Variants in ANXA4 observed in about 807,000 individuals in gnomAD.
The protein encoded by ANXA4 is annexin A4.
Under a neutral mutation model 49.8 loss-of-function variants are expected in ANXA4, and 39 were observed. The observed-to-expected ratio is 0.78, with a 90% CI of 0.61 to 1.02. ANXA4 has a LOEUF of 1.02. ANXA4 is among the 50% of genes least tolerant of loss of function. ANXA4 has a pLI of 0.00. For missense variants in ANXA4, 360 were observed against 410.1 expected (o/e 0.88, Z 1.05); for synonymous variants, 134 against 152.5 (o/e 0.88, Z 0.89).
At chr2:69,778,775 CAAAAAAAAAAAA>C (rs58688910) in intron 1 of ANXA4, among the ~76,000 whole-genome samples, 81 of 36,560 alleles carry the variant, frequency 2.2e-3, no homozygotes, top group Middle Eastern at 0.031. Context: ...AACTCTGTCT[CAAAAAAAAAAAA>C]AAAAAAAAAA....
At chr2:69,808,646 G>C (rs1004952184) in intron 6 of ANXA4, 1 of 152,080 alleles carries the variant, frequency 6.6e-6, no homozygotes, top group Non-Finnish European at 1.5e-5. Context: ...TTATATTAAA[G>C]AGTATTTTTT....
chr2:69,755,700 C>T (rs999952352), intron 1 of ANXA4, among the ~76,000 whole-genome samples: 3 of 152,164 alleles, frequency 2.0e-5, no homozygotes, highest in Non-Finnish European at 4.4e-5. Flanking sequence ...TGTTATTCTT[C>T]TATCTCCCAG....
intron 2 of ANXA4, among the ~76,000 whole-genome samples, chr2:69,681,489 T>C (rs6546541): frequency 0.6 from 90,618 of 151,660 alleles, 28,272 homozygotes; most frequent in East Asian, 0.82. Context: ...CTCAGCCTCC[T>C]GAGTAGCTGG....
At chr2:69,662,775 A>G (rs940578961) in intron 2 of ANXA4, among the ~76,000 whole-genome samples, 1 of 152,054 alleles carries the variant, frequency 6.6e-6, no homozygotes, top group Non-Finnish European at 1.5e-5. Flanking sequence ...CAGGGCTTCC[A>G]GGCAGCTTTG....
At position 69,808,121 on chromosome 2, in the gene ANXA4, C is replaced by T. The variant is rs1673528262; in HGVS notation, c.397+125C>T. 17 of 871,802 alleles carry T rather than the reference C, an allele frequency of 1.9e-5. 1 individual carries two copies. The South Asian group carries it at 2.7e-4, about 14-fold the overall frequency. 54.0% of individuals were successfully genotyped at this position (871,802 alleles called of 1,614,324 possible). Reference sequence around the variant, plus strand: ...GCTGAGCATGAGGGATCCTCGGTGCCAAGCTCTGCTTCGAGGGAGATCCCT... The same window carrying T: ...GCTGAGCATGAGGGATCCTCGGTGCTAAGCTCTGCTTCGAGGGAGATCCCT... On this transcript the variant is annotated intron_variant, in intron 6 of 12. Coordinates refer to ENST00000394295, the MANE Select transcript of ANXA4 (RefSeq NM_001153.5).
At chr2:69,821,281 A>G (rs1674233804) in intron 12 of ANXA4, among the ~76,000 whole-genome samples, 1 of 152,128 alleles carries the variant, frequency 6.6e-6, no homozygotes, top group Admixed American at 6.5e-5. Flanking sequence ...ACCTCCCTCA[A>G]AGCCAGGCAT....
At position 69,826,768 on chromosome 2, in the gene ANXA4, C is replaced by G. The variant is rs1432013418; in HGVS notation, c.*1253C>G. On this transcript the variant is annotated 3_prime_UTR_variant, in exon 13 of 13. Transcript: ENST00000394295. ...GATCACGCCAGCCTGGGCGACAGAG[C>G]GAGAATCCATCTAAAAAAAAAAAAA... 1 of 139,452 alleles carries G rather than the reference C, an allele frequency of 7.2e-6. No individual in the cohort carries two copies. The highest frequency in any genetic ancestry group is 1.5e-5 in the Non-Finnish European group (1 of 65,934). The allele number at this position is 139,452 out of a possible 1,614,324, so 8.6% of individuals were successfully genotyped here. A position where few individuals can be genotyped will look rare whatever the true frequency, so the allele number is the denominator to read the frequency against.
At chr2:69,654,836 C>G (rs1159572273) in intron 2 of ANXA4, among the ~76,000 whole-genome samples, 2 of 152,108 alleles carry the variant, frequency 1.3e-5, no homozygotes, top group Non-Finnish European at 2.9e-5. Context: ...GATATATAGA[C>G]CAATGGAACA....
intron 8 of ANXA4, among the ~76,000 whole-genome samples, chr2:69,813,549 C>T (rs2103856461): frequency 6.6e-6 from 1 of 152,026 alleles, no homozygotes; most frequent in Middle Eastern, 3.4e-3. Flanking sequence ...TCGCGCGTGG[C>T]CCACTGTTCT....
chr2:69,649,745 G>A (rs1309760828), intron 1 of ANXA4, among the ~76,000 whole-genome samples: 1 of 149,970 alleles, frequency 6.7e-6, no homozygotes, highest in East Asian at 1.9e-4. Context: ...CTGAGTAGCT[G>A]GAACTACAGG....
chr2:69,707,071 G>A (rs1375807508), intron 2 of ANXA4, among the ~76,000 whole-genome samples: 1 of 152,052 alleles, frequency 6.6e-6, no homozygotes, highest in East Asian at 1.9e-4. Context: ...GTAGAATACT[G>A]GTATCTTTCT....
chr2:69,776,217 C>G (rs1671957973), intron 1 of ANXA4, among the ~76,000 whole-genome samples: 1 of 152,068 alleles, frequency 6.6e-6, no homozygotes, highest in Non-Finnish European at 1.5e-5. Flanking sequence ...CTCAGGTGAT[C>G]TACCCACCTC....
chr2:69,739,498 T>C (rs1670329968), upstream of ANXA4, among the ~76,000 whole-genome samples: 1 of 151,978 alleles, frequency 6.6e-6, no homozygotes, highest in Non-Finnish European at 1.5e-5. Flanking sequence ...TTCAAACCCC[T>C]GGGCTCAAGT....
At chr2:69,695,124 A>G (rs112317011) in intron 2 of ANXA4, among the ~76,000 whole-genome samples, 1 of 152,034 alleles carries the variant, frequency 6.6e-6, no homozygotes, top group Non-Finnish European at 1.5e-5. Flanking sequence ...AGCTTGGGTG[A>G]CAGAGCAAGA....
At chr2:69,819,847 T>G (rs1339109693) in intron 11 of ANXA4, among the ~76,000 whole-genome samples, 1 of 151,784 alleles carries the variant, frequency 6.6e-6, no homozygotes, top group African/African-American at 2.4e-5. Flanking sequence ...GCGGGTGGAT[T>G]ACTTGAGGTC....
At chr2:69,781,616 C>T in intron 2 of ANXA4, 42 bp downstream of exon 2, 2 of 1,611,880 alleles carry the variant, frequency 1.2e-6, no homozygotes, top group Non-Finnish European at 1.7e-6. Context: ...TGCCAGCTGC[C>T]AACAGGTACA....
chr2:69,775,590 A>T (rs187974310), intron 1 of ANXA4, among the ~76,000 whole-genome samples: 3 of 152,362 alleles, frequency 2.0e-5, no homozygotes, highest in Admixed American at 2.0e-4. Context: ...GAAAAGAAAC[A>T]GACTGCTATC....
chr2:69,776,097 C>T (rs1019965564), intron 1 of ANXA4, among the ~76,000 whole-genome samples: 17 of 152,044 alleles, frequency 1.1e-4, no homozygotes, highest in African/African-American at 4.1e-4. Flanking sequence ...GCCTCAGCCT[C>T]CTGAGTAGCT....
Position 69,812,712 on chromosome 2 carries a change from T to TGGTA in ANXA4, c.534+5_534+8dup. 6.2e-7 allele frequency: 1 copy of TGGTA among 1,614,080 alleles called. No individual in the cohort carries two copies. Reference sequence around the variant, plus strand: ...CTCTCGTGAGACAGGATGCCCAGGTTGGTAGAACTGCAGCTTCTTTCTTCC... The same window carrying TGGTA: ...CTCTCGTGAGACAGGATGCCCAGGTTGGTAGGTAGAACTGCAGCTTCTTTCTTCC... On this transcript the variant is annotated splice_donor_region_variant and intron_variant, in intron 8 of 12. Transcript: ENST00000394295.
Sources: allele counts gnomAD v4.1 joint callset (sites outside exome capture counted in the v4.1 genomes callset), GRCh38; gene constraint gnomAD v4.1.1; transcripts MANE v1.5; gene names NCBI Gene and HGNC (gene_info 2026-07-23, HGNC 2026-07-21).